The following ERICH1 variants were observed in gnomAD, a reference collection of about 807,000 sequenced individuals.
ERICH1 encodes glutamate rich 1.
In ERICH1, 56 loss-of-function variants were observed where a neutral mutation model predicts 39.6. The observed-to-expected ratio is 1.41, with a 90% CI of 1.14 to 1.77. The LOEUF is 1.77. Among genes scored for constraint, ERICH1 ranks in the 40% most tolerant of loss-of-function variants. The probability of loss-of-function intolerance (pLI) is 0.00; values close to 1 mark genes in which losing one functional copy is unlikely to be tolerated. For missense variants in ERICH1, 826 were observed against 575.4 expected, an observed-to-expected ratio of 1.44 and a Z score of -4.45; for synonymous variants, 313 against 223.6, an observed-to-expected ratio of 1.40 and a Z score of -3.57.
intron 3 of ERICH1, among the ~76,000 whole-genome samples, chr8:639,716 C>CCGGTTTTTCAGAACCAGCTCTGTTGTTT (rs1563177869): frequency 4.0e-5 from 5 of 124,100 alleles, no homozygotes; most frequent in East Asian, 2.5e-4. Context: ...CACAGCCAGC[C>CCGGTTTTTCAGAACCAGCTCTGTTGTTT]ACGAATCCAG....
At chr8:695,857 GCTCGCTCCT>G in intron 2 of ERICH1, among the ~76,000 whole-genome samples, 3 of 111,724 alleles carry the variant, frequency 2.7e-5, no homozygotes, top group African/African-American at 1.1e-4. Context: ...CTGCACCTGT[GCTCGCTCCT>G]CTCACCCTCC....
At chr8:631,503 G>A (rs1421886779) in intron 3 of ERICH1, among the ~76,000 whole-genome samples, 6 of 152,300 alleles carry the variant, frequency 3.9e-5, no homozygotes, top group South Asian at 2.1e-4. Context: ...CGATGTCTGC[G>A]CCAGGAAGTG....
chr8:687,815 G>A (rs943130238), intron 3 of ERICH1, among the ~76,000 whole-genome samples: 51 of 152,280 alleles, frequency 3.3e-4, no homozygotes, highest in African/African-American at 1.2e-3. Context: ...GGAGGAATCG[G>A]GGGCGAGGCG....
chr8:626,847 G>A (rs1026534635), intron 3 of ERICH1: 5 of 259,300 alleles, frequency 1.9e-5, no homozygotes, highest in Non-Finnish European at 4.1e-5. Flanking sequence ...TCTTAATCTC[G>A]GAGGCTGTCC....
intron 2 of ERICH1, among the ~76,000 whole-genome samples, chr8:693,110 C>G (rs1009763098): frequency 4.0e-5 from 6 of 151,796 alleles, no homozygotes; most frequent in African/African-American, 1.2e-4. Flanking sequence ...ACACAAACAT[C>G]CACAAAACAC....
chr8:618,872 A>G (rs1444637934), intron 3 of ERICH1, among the ~76,000 whole-genome samples: 2 of 152,196 alleles, frequency 1.3e-5, no homozygotes, highest in Non-Finnish European at 2.9e-5. Flanking sequence ...TCAAAGGTAG[A>G]GGACACAGCT....
At chr8:656,059 A>G (rs1800623637) in intron 3 of ERICH1, among the ~76,000 whole-genome samples, 1 of 151,950 alleles carries the variant, frequency 6.6e-6, no homozygotes. Context: ...GACTTCCCCA[A>G]ATCAGGCTGT....
intron 2 of ERICH1, among the ~76,000 whole-genome samples, chr8:706,451 C>T (rs558629457): frequency 7.2e-5 from 11 of 152,152 alleles, no homozygotes; most frequent in South Asian, 2.1e-4. Flanking sequence ...AACTTTTCTA[C>T]GTCCTGTAAG....
At chr8:643,788 T>C (rs999656336) in intron 3 of ERICH1, among the ~76,000 whole-genome samples, 1 of 152,198 alleles carries the variant, frequency 6.6e-6, no homozygotes, top group Admixed American at 6.5e-5. Flanking sequence ...AACTTCCTTT[T>C]GTCTCTCCTT....
intron 1 of ERICH1, among the ~76,000 whole-genome samples, chr8:727,300 TC>T (rs1818994695): frequency 6.6e-6 from 1 of 152,048 alleles, no homozygotes; most frequent in Non-Finnish European, 1.5e-5. Context: ...CAGACATCTC[TC>T]CCGGACTACC....
At chr8:614,974 G>T (rs1796841652) in exon 4 of ERICH1, 3 of 376,306 alleles carry the variant, frequency 8.0e-6, no homozygotes, top group African/African-American at 2.1e-5. Context: ...TGAGCCACAG[G>T]CTCACCTCAG....
Position 616,902 on chromosome 8 carries a change from CAGAG to C in ERICH1, c.977-1622_977-1619del, listed in dbSNP as rs1185106556. ...AGGGAGACAGAGACACACACACACA[CAGAG>C]AGAGAGAGAGAGACAGAAAGAGACA... On this transcript the variant is annotated intron_variant, in intron 3 of 3. Transcript: ENST00000522706. 1.2e-4 allele frequency among the ~76,000 whole-genome samples: 2 copies of C among 16,170 alleles called. 1 individual carries two copies. The highest frequency in any genetic ancestry group is 1.8e-4 in the Non-Finnish European group (2 of 11,282). The allele number at this position is 16,170 out of a possible 152,430, so 10.6% of individuals were successfully genotyped here.
Position 664,471 on chromosome 8 carries a change from A to G in ERICH1, c.*132T>C, listed in dbSNP as rs2131776206. On this transcript the variant is annotated 3_prime_UTR_variant, in exon 6 of 6. Transcript: ENST00000262109. ...CTCAGATGGCATCTTGCCCACCAGGAACAAACACGTGAATAAATAATATGG... is the reference window on the plus strand; with the variant it reads ...CTCAGATGGCATCTTGCCCACCAGGGACAAACACGTGAATAAATAATATGG... 4 of 1,296,370 alleles carry G rather than the reference A, an allele frequency of 3.1e-6. No homozygotes were observed. In the South Asian group the frequency reaches 8.9e-5, roughly 29 times the overall value. 80.3% of individuals were successfully genotyped at this position (1,296,370 alleles called of 1,614,324 possible).
intron 3 of ERICH1, among the ~76,000 whole-genome samples, chr8:634,931 T>C (rs1335943851): frequency 6.6e-6 from 1 of 152,130 alleles, no homozygotes. Context: ...GCTGGGGCTG[T>C]GGCTGCCCTC....
intron 3 of ERICH1, among the ~76,000 whole-genome samples, chr8:628,679 G>T (rs1420387971): frequency 6.6e-6 from 1 of 152,214 alleles, no homozygotes; most frequent in South Asian, 2.1e-4. Flanking sequence ...CAAAGCCAGA[G>T]GAGGACGATG....
chr8:697,808 G>A (rs1003683153), intron 2 of ERICH1, among the ~76,000 whole-genome samples: 5 of 152,114 alleles, frequency 3.3e-5, no homozygotes, highest in African/African-American at 4.8e-5. Context: ...GCAGCAGCAC[G>A]TGGGTCTGAG....
At chr8:730,183 C>T (rs996470641) in intron 1 of ERICH1, among the ~76,000 whole-genome samples, 2 of 152,148 alleles carry the variant, frequency 1.3e-5, no homozygotes, top group Non-Finnish European at 2.9e-5. Flanking sequence ...TCATTTTTAA[C>T]CTGTGAGCTG....
At chr8:624,817 C>T (rs898575251) in intron 3 of ERICH1, among the ~76,000 whole-genome samples, 2 of 152,126 alleles carry the variant, frequency 1.3e-5, no homozygotes, top group Non-Finnish European at 2.9e-5. Flanking sequence ...AGCTCTGCCT[C>T]CCGGGTTCAC....
Position 664,468 on chromosome 8 carries a change from AG to A in ERICH1, c.*134del. The A allele has an allele frequency of 7.8e-7, 1 of 1,287,204 alleles. No individual in the cohort carries two copies. Among genetic ancestry groups the A allele is most frequent in the South Asian group, 3.1e-5 (1 of 32,350 alleles). The allele number at this position is 1,287,204 out of a possible 1,614,324, so 79.7% of individuals were successfully genotyped here. On this transcript the variant is annotated 3_prime_UTR_variant, in exon 6 of 6. Transcript: ENST00000262109. ...AGCCTCAGATGGCATCTTGCCCACCAGGAACAAACACGTGAATAAATAATAT... is the reference window on the plus strand; with the variant it reads ...AGCCTCAGATGGCATCTTGCCCACCAGAACAAACACGTGAATAAATAATAT...
Sources: gnomAD v4.1 joint callset for allele counts (sites outside exome capture counted in the v4.1 genomes callset) on GRCh38, gnomAD v4.1.1 for gene constraint, MANE v1.5 for transcripts, NCBI Gene and HGNC (gene_info 2026-07-23, HGNC 2026-07-21) for gene names.